FKBP5: variants seen among roughly 807,000 people sequenced by gnomAD.
The protein encoded by FKBP5 is peptidyl-prolyl cis-trans isomerase FKBP5.
A neutral mutation model predicts 50.5 loss-of-function variants in FKBP5; 23 were observed. The observed-to-expected ratio is 0.46, with a 90% CI of 0.33 to 0.65. The LOEUF (loss-of-function observed/expected upper bound fraction) is 0.65. Ranked by LOEUF, FKBP5 falls within the 30% of genes least tolerant of loss-of-function variation. The pLI, the probability that FKBP5 is intolerant of heterozygous loss-of-function variation, is 0.02. For missense variants in FKBP5, 411 were observed against 553.1 expected, an observed-to-expected ratio of 0.74 and a Z score of 2.58; for synonymous variants, 176 against 190.6, an observed-to-expected ratio of 0.92 and a Z score of 0.63.
chr6:35,587,509 C>T (rs902574432), intron 7 of FKBP5, among the ~76,000 whole-genome samples: 11 of 152,188 alleles, frequency 7.2e-5, no homozygotes, highest in Admixed American at 2.0e-4. Context: ...TGTTTTTCAA[C>T]TCTAAAATGG....
chr6:35,695,613 G>T (rs923635838), intron 2 of FKBP5, among the ~76,000 whole-genome samples: 2 of 152,214 alleles, frequency 1.3e-5, no homozygotes, highest in Admixed American at 1.3e-4. Flanking sequence ...AAATCTTAAG[G>T]AATCTACTAA....
At chr6:35,673,279 G>T (rs1384511537) in intron 1 of FKBP5, among the ~76,000 whole-genome samples, 1 of 152,184 alleles carries the variant, frequency 6.6e-6, no homozygotes, top group Admixed American at 6.5e-5. Context: ...GCTGGGTGCC[G>T]TGGCTCCTGC....
chr6:35,591,029 C>T, intron 7 of FKBP5, 101 bp downstream of exon 7: 2 of 694,280 alleles, frequency 2.9e-6, no homozygotes, highest in Non-Finnish European at 4.9e-6. Flanking sequence ...AATGAATAAA[C>T]ACCATCTATC....
At chr6:35,630,842 CT>C (rs1764132594) in intron 3 of FKBP5, among the ~76,000 whole-genome samples, 1 of 152,122 alleles carries the variant, frequency 6.6e-6, no homozygotes, top group South Asian at 2.1e-4. Flanking sequence ...ATAAAGCTGA[CT>C]TAATCAGAAG....
chr6:35,623,285 A>G (rs1315853546), intron 3 of FKBP5, among the ~76,000 whole-genome samples: 2 of 152,234 alleles, frequency 1.3e-5, no homozygotes, highest in African/African-American at 4.8e-5. Context: ...AAAACACATC[A>G]AATGCATGGC....
Position 35,726,373 on chromosome 6 carries a change from G to A in FKBP5, c.-241+2135C>T, listed in dbSNP as rs115927448. Among the ~76,000 whole-genome samples the A allele has an allele frequency of 9.2e-3, 1,404 of 152,288 alleles. 4 individuals carry two copies. Among genetic ancestry groups the A allele is most frequent in the Non-Finnish European group, 0.014 (979 of 68,018 alleles). On this transcript the variant is annotated intron_variant, in intron 1 of 11. Transcript: ENST00000536438. Reference sequence around the variant, plus strand: ...GCCTCTATGCTCTGGTTGGCTTTGGGAAGGCAGGCCTGGCTTGGGCACTGT... The same window carrying A: ...GCCTCTATGCTCTGGTTGGCTTTGGAAAGGCAGGCCTGGCTTGGGCACTGT...
At chr6:35,719,537 A>G (rs1166619168) in intron 2 of FKBP5, among the ~76,000 whole-genome samples, 1 of 152,244 alleles carries the variant, frequency 6.6e-6, no homozygotes, top group Non-Finnish European at 1.5e-5. Context: ...AATACACGGA[A>G]CGGACATGCT....
At chr6:35,671,109 G>A (rs1313664344) in intron 1 of FKBP5, among the ~76,000 whole-genome samples, 2 of 151,734 alleles carry the variant, frequency 1.3e-5, no homozygotes, top group African/African-American at 4.8e-5. Flanking sequence ...ACAAAAAATA[G>A]AAAAGTTAGT....
intron 8 of FKBP5, chr6:35,582,415 G>T: frequency 3.7e-6 from 2 of 543,798 alleles, no homozygotes; most frequent in Non-Finnish European, 4.7e-6. Flanking sequence ...GGTCATGAGG[G>T]TGGGGCCTCA....
At position 35,577,000 on chromosome 6, in the gene FKBP5, A is replaced by G. The variant is rs768872131; in HGVS notation, c.1260T>C (p.Asp420=). 20 of 1,613,894 alleles carry G rather than the reference A, an allele frequency of 1.2e-5. No individual in the cohort carries two copies. The highest frequency in any genetic ancestry group is 1.6e-5 in the Non-Finnish European group (19 of 1,180,002). ...CATCAGGCTCTGCACACACCTTGGC[A>G]TCCTGCTCTGCAAACTTCTTGAACA... ...ANMFKKFAEQ[D]AKEEANKAMG... Residue 420 remains aspartate, a synonymous_variant, in exon 10 of 11, where the codon GAT becomes GAC. Coordinates refer to ENST00000357266, the MANE Select transcript of FKBP5 (RefSeq NM_004117.4).
intron 2 of FKBP5, among the ~76,000 whole-genome samples, chr6:35,706,318 GGAGGCT>G (rs1766313759): frequency 6.6e-6 from 1 of 151,582 alleles, no homozygotes. Flanking sequence ...CAGCTAATCC[GGAGGCT>G]GAGGCAGGAG....
chr6:35,629,681 A>T (rs1036199302), intron 3 of FKBP5, among the ~76,000 whole-genome samples: 2 of 152,178 alleles, frequency 1.3e-5, no homozygotes, highest in South Asian at 2.1e-4. Context: ...TGTACTCAAA[A>T]AGAGAACAAA....
intron 2 of FKBP5, among the ~76,000 whole-genome samples, chr6:35,701,535 G>A (rs1303961414): frequency 1.3e-5 from 2 of 150,842 alleles, no homozygotes; most frequent in South Asian, 2.1e-4. Context: ...GAGCCACCAC[G>A]CCCGGCCTGT....
In FKBP5 at chr6:35,575,585, T is replaced by TGGC. The variant is rs765985736; in HGVS notation, c.*247_*249dup. The TGGC allele has an allele frequency of 2.2e-6, 1 of 461,704 alleles. No individual in the cohort carries two copies. Among genetic ancestry groups the TGGC allele is most frequent in the Non-Finnish European group, 3.9e-6 (1 of 253,218 alleles). 28.6% of individuals were successfully genotyped at this position (461,704 alleles called of 1,614,324 possible). A position where few individuals can be genotyped will look rare whatever the true frequency, so the allele number is the denominator to read the frequency against. The stretch of plus-strand genomic sequence containing the variant: ...CTGAAATGAGCTGGACTTAAGCTGC[T>TGGC]GGCTCACTCCCTCCACACCACAGTC... On this transcript the variant is annotated 3_prime_UTR_variant, in exon 11 of 11. Coordinates refer to ENST00000357266, the MANE Select transcript of FKBP5 (RefSeq NM_004117.4).
chr6:35,647,837 T>C (rs962452690), intron 1 of FKBP5, among the ~76,000 whole-genome samples: 7 of 152,318 alleles, frequency 4.6e-5, no homozygotes, highest in Middle Eastern at 3.4e-3. Context: ...CTTTCCTTAA[T>C]TCCTGCAGGG....
At position 35,575,675 on chromosome 6, in the gene FKBP5, AG is replaced by A. The variant is rs984111909; in HGVS notation, c.*159del. The A allele has an allele frequency of 2.0e-5, 13 of 637,074 alleles. No individual in the cohort carries two copies. Among genetic ancestry groups the A allele is most frequent in the African/African-American group, 1.8e-4 (10 of 55,258 alleles). 39.5% of individuals were successfully genotyped at this position (637,074 alleles called of 1,614,324 possible). A position where few individuals can be genotyped will look rare whatever the true frequency, so the allele number is the denominator to read the frequency against. On this transcript the variant is annotated 3_prime_UTR_variant, in exon 11 of 11. Coordinates refer to ENST00000357266, the MANE Select transcript of FKBP5 (RefSeq NM_004117.4). ...CTCAGTGAACCCTCCGGGCAGCAGCAGGGGGGCTGTTTTTGGGAAGCTACTG... is the reference window on the plus strand; with the variant it reads ...CTCAGTGAACCCTCCGGGCAGCAGCAGGGGGCTGTTTTTGGGAAGCTACTG...
Position 35,666,394 on chromosome 6 carries a change from T to TAAAAAA in FKBP5, c.-20+22404_-20+22409dup, listed in dbSNP as rs550878351. 1.4e-3 allele frequency among the ~76,000 whole-genome samples: 46 copies of TAAAAAA among 33,250 alleles called. 6 individuals carry two copies. The highest frequency in any genetic ancestry group is 3.8e-3 in the African/African-American group (33 of 8,734). The allele number at this position is 33,250 out of a possible 152,430, so 21.8% of individuals were successfully genotyped here. ...CATGCAGAAACACTACTATTATAGT[T>TAAAAAA]AAAAAAAAAAAAAAAAAAAAAAAAA... On this transcript the variant is annotated intron_variant, in intron 1 of 10. Coordinates refer to ENST00000357266, the MANE Select transcript of FKBP5 (RefSeq NM_004117.4).
At chr6:35,607,213 C>T (rs1465197827) in intron 5 of FKBP5, among the ~76,000 whole-genome samples, 1 of 152,174 alleles carries the variant, frequency 6.6e-6, no homozygotes, top group Non-Finnish European at 1.5e-5. Context: ...GCTAGGATTA[C>T]AGGCATGTGC....
chr6:35,709,117 C>G (rs943870702), intron 2 of FKBP5, among the ~76,000 whole-genome samples: 1 of 152,198 alleles, frequency 6.6e-6, no homozygotes, highest in Non-Finnish European at 1.5e-5. Context: ...ATTGGACTTA[C>G]AGTTCTGCAT....
Sources: gnomAD v4.1 joint callset for allele counts (sites outside exome capture counted in the v4.1 genomes callset) on GRCh38, gnomAD v4.1.1 for gene constraint, MANE v1.5 for transcripts, NCBI Gene and HGNC (gene_info 2026-07-23, HGNC 2026-07-21) for gene names.